The following CSMD2 variants were observed in gnomAD, a reference collection of about 807,000 sequenced individuals.
The protein encoded by CSMD2 is CUB and Sushi multiple domains 2, also known as CUB and sushi domain-containing protein 2.
CSMD2 carries 130 observed loss-of-function variants against 398.5 expected under a neutral mutation model. The ratio of observed to expected loss-of-function variants is 0.33; its 90% confidence interval spans 0.28 to 0.38. The LOEUF is 0.38. CSMD2 is among the 10% of genes least tolerant of loss of function. The pLI, the probability that CSMD2 is intolerant of heterozygous loss-of-function variation, is 1.00. For missense variants in CSMD2, 3,829 were observed against 4,764.9 expected (o/e 0.80, Z 5.78); for synonymous variants, 1,828 against 1,908.5 (o/e 0.96, Z 1.10).
At chr1:33,941,401 A>C (rs768754909) in intron 3 of CSMD2, among the ~76,000 whole-genome samples, 9 of 152,190 alleles carry the variant, frequency 5.9e-5, no homozygotes, top group Non-Finnish European at 1.2e-4. Flanking sequence ...TCTTCCATCA[A>C]GTAACTTGTT....
At chr1:33,561,094 G>A (rs1658499149) in intron 53 of CSMD2, among the ~76,000 whole-genome samples, 1 of 152,216 alleles carries the variant, frequency 6.6e-6, no homozygotes, top group East Asian at 1.9e-4. Context: ...AATCCATGAG[G>A]ATCCCACCTA....
chr1:33,570,725 G>A (rs1308187473), intron 51 of CSMD2, among the ~76,000 whole-genome samples: 1 of 152,162 alleles, frequency 6.6e-6, no homozygotes, highest in Non-Finnish European at 1.5e-5. Context: ...CTGTGGTTGA[G>A]GAGTCCTCCC....
At chr1:33,869,778 T>A (rs1256665413) in intron 5 of CSMD2, among the ~76,000 whole-genome samples, 1 of 152,060 alleles carries the variant, frequency 6.6e-6, no homozygotes, top group African/African-American at 2.4e-5. Flanking sequence ...CAGTTAGCCC[T>A]CCCCACTCTC....
At chr1:33,706,830 ATGTG>A (rs1198618102) in intron 22 of CSMD2, among the ~76,000 whole-genome samples, 2 of 149,970 alleles carry the variant, frequency 1.3e-5, no homozygotes, top group African/African-American at 2.5e-5. Flanking sequence ...GTGCGTGTGT[ATGTG>A]TGTGTGCGTG....
intron 5 of CSMD2, among the ~76,000 whole-genome samples, chr1:33,850,786 A>C (rs569727637): frequency 5.3e-5 from 8 of 152,188 alleles, no homozygotes; most frequent in South Asian, 2.1e-4. Context: ...ACTTCTGTTA[A>C]GTGGGGCTTC....
chr1:34,069,123 C>A (rs1655435278), intron 2 of CSMD2, among the ~76,000 whole-genome samples: 1 of 152,202 alleles, frequency 6.6e-6, no homozygotes, highest in South Asian at 2.1e-4. Context: ...CTTGCACCCC[C>A]CAGGGCCTCA....
At chr1:33,648,340 TGACA>T (rs1643570662) in intron 28 of CSMD2, among the ~76,000 whole-genome samples, 1 of 137,968 alleles carries the variant, frequency 7.2e-6, no homozygotes, top group Non-Finnish European at 1.5e-5. Flanking sequence ...CCAGTCTGGG[TGACA>T]GAGCGAGACT....
chr1:33,918,497 G>T (rs1000251375), intron 4 of CSMD2, among the ~76,000 whole-genome samples, 196 bp from the exon 5 acceptor site: 3 of 152,196 alleles, frequency 2.0e-5, no homozygotes, highest in African/African-American at 7.2e-5. Flanking sequence ...TGTCATTAGA[G>T]CTGGGTTTTG....
chr1:33,569,542 A>C lies in CSMD2; in HGVS notation c.7963T>G (p.Ser2655Ala), dbSNP rs370550310. Residue 2655 changes from serine (S) to alanine (A), a missense_variant, in exon 52 of 71, where the codon TCC becomes GCC. This residue lies in a region of CSMD2 where 723 missense variants were observed against 758.6 expected (regional missense o/e 0.95). Transcript: ENST00000373381. ...GGGGGAATCGGGAGCTCTCCACAGG[A>C]GATGACTAAAATGATCACAAGATGC... is the stretch of plus-strand genomic sequence containing the variant. ...GDSTPTCRII[S>A]CGELPIPPNG... The C allele has an allele frequency of 1.9e-6, 3 of 1,613,596 alleles. No individual in the cohort carries two copies. The highest frequency in any genetic ancestry group is 2.2e-5 in the East Asian group (1 of 44,868).
intron 22 of CSMD2, 71 bp from the exon 23 acceptor site, chr1:33,700,744 C>A: frequency 1.4e-6 from 2 of 1,475,706 alleles, no homozygotes; most frequent in Admixed American, 3.4e-5. Context: ...CTCCTTACCC[C>A]ACAACCCACA....
intron 3 of CSMD2, among the ~76,000 whole-genome samples, chr1:34,008,990 C>T (rs530663765): frequency 6.6e-6 from 1 of 151,174 alleles, no homozygotes; most frequent in Admixed American, 6.6e-5. Context: ...CTACCCCATC[C>T]ACTTTGCCTA....
intron 12 of CSMD2, among the ~76,000 whole-genome samples, chr1:33,774,367 G>A (rs1437132877): frequency 6.6e-6 from 1 of 152,108 alleles, no homozygotes; most frequent in African/African-American, 2.4e-5. Context: ...TGGGGGAGGG[G>A]ATACACTGAG....
intron 1 of CSMD2, among the ~76,000 whole-genome samples, chr1:34,112,018 CTT>C: frequency 7.0e-6 from 1 of 142,812 alleles, no homozygotes; most frequent in African/African-American, 2.6e-5. Flanking sequence ...CTCTCTCTCT[CTT>C]TCTCTCTCTT....
intron 1 of CSMD2, among the ~76,000 whole-genome samples, chr1:34,124,775 C>T (rs900578080): frequency 1.3e-5 from 2 of 152,106 alleles, no homozygotes; most frequent in African/African-American, 2.4e-5. Flanking sequence ...AATTGTGAAA[C>T]AAAAGTCACA....
At chr1:33,874,227 C>G (rs187283194) in intron 5 of CSMD2, among the ~76,000 whole-genome samples, 5 of 152,304 alleles carry the variant, frequency 3.3e-5, no homozygotes, top group Admixed American at 2.6e-4. Flanking sequence ...TATTGAATGC[C>G]TACATCATAC....
chr1:33,705,381 T>G (rs499654), intron 22 of CSMD2, among the ~76,000 whole-genome samples: 4,181 of 152,248 alleles, frequency 0.027, 180 homozygotes, highest in African/African-American at 0.095. Context: ...AATTGATGCT[T>G]TCTATACTTT....
intron 1 of CSMD2, among the ~76,000 whole-genome samples, chr1:34,104,203 T>A (rs1660299196): frequency 6.6e-6 from 1 of 152,218 alleles, no homozygotes; most frequent in Non-Finnish European, 1.5e-5. Flanking sequence ...TCTCATTATT[T>A]TTTTCTAACT....
At chr1:33,992,520 C>T (rs139072774) in intron 3 of CSMD2, among the ~76,000 whole-genome samples, 4 of 151,786 alleles carry the variant, frequency 2.6e-5, no homozygotes, top group Middle Eastern at 3.4e-3. Context: ...CCAGCCCTAG[C>T]ATGGCTTTTT....
intron 41 of CSMD2, among the ~76,000 whole-genome samples, chr1:33,608,936 G>A (rs1016318635): frequency 6.6e-6 from 1 of 152,216 alleles, no homozygotes; most frequent in Non-Finnish European, 1.5e-5. Context: ...GGAAGGCGTT[G>A]CATCTGTCTC....
Sources: gnomAD v4.1 joint callset for allele counts (sites outside exome capture counted in the v4.1 genomes callset) on GRCh38, gnomAD v4.1.1 for gene constraint, gnomAD v4.1.1 regional missense constraint, MANE v1.5 for transcripts, NCBI Gene and HGNC (gene_info 2026-07-23, HGNC 2026-07-21) for gene names.